The following CTNND2 variants were observed in gnomAD, a reference collection of about 807,000 sequenced individuals.
CTNND2 encodes the protein catenin delta-2.
CTNND2 carries 22 observed loss-of-function variants against 144.4 expected under a neutral mutation model. That is an observed-to-expected ratio of 0.15 (90% CI 0.11 to 0.22). CTNND2 has a LOEUF of 0.22. Among genes scored for constraint, CTNND2 ranks in the 10% least tolerant of loss-of-function variants. CTNND2 has a pLI of 1.00. For synonymous variants in CTNND2, 751 were observed against 695.6 expected, an observed-to-expected ratio of 1.08 and a Z score of -1.25; for missense variants, 1,353 against 1,618.8, an observed-to-expected ratio of 0.84 and a Z score of 2.82.
intron 2 of CTNND2, among the ~76,000 whole-genome samples, chr5:11,678,771 G>T (rs1195925246): frequency 1.3e-5 from 2 of 152,106 alleles, no homozygotes; most frequent in East Asian, 3.9e-4. Context: ...GCAAGTTACA[G>T]ATAAGTTTAA....
chr5:11,757,188 TACAC>T (rs563093688), intron 1 of CTNND2, among the ~76,000 whole-genome samples: 1 of 150,212 alleles, frequency 6.7e-6, no homozygotes, highest in Admixed American at 6.7e-5. Flanking sequence ...TACACACATA[TACAC>T]ACACACACAC....
chr5:11,639,409 T>C (rs142541441), intron 2 of CTNND2, among the ~76,000 whole-genome samples: 1 of 152,196 alleles, frequency 6.6e-6, no homozygotes, highest in Admixed American at 6.5e-5. Flanking sequence ...AGGTGACTCA[T>C]ATGGATAGTC....
intron 1 of CTNND2, among the ~76,000 whole-genome samples, chr5:11,837,320 A>G (rs1794235936): frequency 6.6e-6 from 1 of 152,224 alleles, no homozygotes; most frequent in Non-Finnish European, 1.5e-5. Flanking sequence ...TGGCTTCAGA[A>G]AGTCATTGGA....
At chr5:11,702,966 G>A (rs1785522874) in intron 2 of CTNND2, among the ~76,000 whole-genome samples, 1 of 152,152 alleles carries the variant, frequency 6.6e-6, no homozygotes, top group Admixed American at 6.5e-5. Flanking sequence ...ACACTCAGAT[G>A]CTTCAGTGTT....
At chr5:11,070,050 G>A (rs368216021) in intron 16 of CTNND2, among the ~76,000 whole-genome samples, 7 of 152,224 alleles carry the variant, frequency 4.6e-5, no homozygotes, top group South Asian at 2.1e-4. Flanking sequence ...AACATAAAAC[G>A]TCCGGCATAC....
chr5:11,505,416 T>G (rs1770938350), intron 3 of CTNND2, among the ~76,000 whole-genome samples: 1 of 152,112 alleles, frequency 6.6e-6, no homozygotes, highest in Non-Finnish European at 1.5e-5. Context: ...AAATCAACAC[T>G]CACAGGGTTT....
intron 3 of CTNND2, among the ~76,000 whole-genome samples, chr5:11,476,688 C>A (rs1767776350): frequency 6.6e-6 from 1 of 152,068 alleles, no homozygotes; most frequent in Admixed American, 6.6e-5. Flanking sequence ...GAAACATATA[C>A]TAAATGTTCA....
intron 2 of CTNND2, among the ~76,000 whole-genome samples, chr5:11,621,111 CAT>C (rs745899010): frequency 6.6e-6 from 1 of 152,172 alleles, no homozygotes; most frequent in African/African-American, 2.4e-5. Context: ...CACACACACA[CAT>C]GCATCCATCT....
At chr5:11,161,422 T>C (rs138120183) in intron 11 of CTNND2, among the ~76,000 whole-genome samples, 321 of 152,314 alleles carry the variant, frequency 2.1e-3, no homozygotes, top group South Asian at 4.8e-3. Context: ...TATATTCTGA[T>C]TTGGACTGAT....
chr5:11,642,674 A>G (rs2126509569), intron 2 of CTNND2, among the ~76,000 whole-genome samples: 1 of 152,350 alleles, frequency 6.6e-6, no homozygotes, highest in South Asian at 2.1e-4. Flanking sequence ...TTGGGGCCAC[A>G]GATCCTGGGC....
At chr5:11,570,886 G>A (rs777747090) in intron 2 of CTNND2, among the ~76,000 whole-genome samples, 4 of 151,872 alleles carry the variant, frequency 2.6e-5, no homozygotes, top group Non-Finnish European at 4.4e-5. Flanking sequence ...TTATTCAGAT[G>A]CTAAAATCTA....
chr5:11,032,309 G>A (rs1188145653), intron 16 of CTNND2, among the ~76,000 whole-genome samples: 1 of 152,128 alleles, frequency 6.6e-6, no homozygotes, highest in Non-Finnish European at 1.5e-5. Flanking sequence ...GTATATAAAA[G>A]GTTGTTTGAT....
chr5:11,462,593 C>T (rs1036901655), intron 3 of CTNND2, among the ~76,000 whole-genome samples: 28 of 151,174 alleles, frequency 1.9e-4, no homozygotes, highest in African/African-American at 5.6e-4. Context: ...AAACAGGTTA[C>T]GATGAGGAGA....
At chr5:11,816,632 GA>G (rs1210098499) in intron 1 of CTNND2, among the ~76,000 whole-genome samples, 10 of 65,322 alleles carry the variant, frequency 1.5e-4, no homozygotes, top group African/African-American at 5.0e-4. Flanking sequence ...GGAAGAGGGA[GA>G]GGGGGGGAAG....
In CTNND2 at chr5:11,283,503, G is replaced by A. The variant is rs575626274; in HGVS notation, c.1629-46680C>T. ...AGCCTGGCCAACATAGTGAAACCCC[G>A]TCTCTACTAAAAATACAAAAATTAG... On this transcript the variant is annotated intron_variant, in intron 9 of 21. Coordinates refer to ENST00000304623, the MANE Select transcript of CTNND2 (RefSeq NM_001332.4). Among the ~76,000 whole-genome samples the A allele has an allele frequency of 9.9e-5, 15 of 151,610 alleles. No homozygotes were observed. The Middle Eastern group carries it at 0.01, about 103-fold the overall frequency.
chr5:11,291,127 C>T (rs1364909690), intron 9 of CTNND2, among the ~76,000 whole-genome samples: 1 of 152,130 alleles, frequency 6.6e-6, no homozygotes, highest in Non-Finnish European at 1.5e-5. Context: ...TCCCACACTC[C>T]TGACTGCGGT....
chr5:11,236,560 A>T, intron 10 of CTNND2, 131 bp downstream of exon 10: 1 of 980,926 alleles, frequency 1.0e-6, no homozygotes. Flanking sequence ...GCTATGTTCT[A>T]GTCATAAATA....
At chr5:11,387,187 G>A (rs781503545) in intron 6 of CTNND2, among the ~76,000 whole-genome samples, 3 of 150,740 alleles carry the variant, frequency 2.0e-5, no homozygotes, top group Non-Finnish European at 2.9e-5. Context: ...TGAGTCCCAC[G>A]TCCCGCTAGA....
At chr5:11,161,091 G>A (rs1720599666) in intron 11 of CTNND2, among the ~76,000 whole-genome samples, 2 of 152,206 alleles carry the variant, frequency 1.3e-5, no homozygotes, top group African/African-American at 4.8e-5. Flanking sequence ...CTTCAGTACA[G>A]GGGGTTAACC....
Sources: gnomAD v4.1 joint callset for allele counts (sites outside exome capture counted in the v4.1 genomes callset) on GRCh38, gnomAD v4.1.1 for gene constraint, MANE v1.5 for transcripts, NCBI Gene and HGNC (gene_info 2026-07-23, HGNC 2026-07-21) for gene names.